Variants in SLC35F4 observed in about 807,000 individuals in gnomAD.
The protein encoded by SLC35F4 is solute carrier family 35 member F4, also known as chromosome 14 open reading frame 36.
In SLC35F4, 24 loss-of-function variants were observed where a neutral mutation model predicts 44.2. The observed-to-expected ratio is 0.54, with a 90% confidence interval of 0.39 to 0.76. The LOEUF (loss-of-function observed/expected upper bound fraction) is 0.76. Among genes scored for constraint, SLC35F4 ranks in the 30% least tolerant of loss-of-function variants. The pLI, the probability that SLC35F4 is intolerant of heterozygous loss-of-function variation, is 0.00. For synonymous variants in SLC35F4, 238 were observed against 223.6 expected (o/e 1.06, Z -0.57); for missense variants, 562 against 586.1 (o/e 0.96, Z 0.42).
chr14:57,823,543 C>T (rs1224711389), intron 1 of SLC35F4, among the ~76,000 whole-genome samples: 1 of 152,182 alleles, frequency 6.6e-6, no homozygotes, highest in East Asian at 1.9e-4. Context: ...TTGTTTATAG[C>T]TATATCCCTG....
Position 57,904,917 on chromosome 14 carries a change from A to G in SLC35F4, n.282+76996T>C, listed in dbSNP as rs899334334. ...GAGCAAATATAGAAAGACCACAAAG[A>G]AAAGGCTATTTTGTGTCTTTATGAC... On this transcript the variant is annotated intron_variant and non_coding_transcript_variant, in intron 1 of 1. Coordinates refer to the SLC35F4 transcript ENST00000556568. 3.3e-5 allele frequency among the ~76,000 whole-genome samples: 5 copies of G among 152,226 alleles called. No individual in the cohort carries two copies. In the East Asian group the frequency reaches 9.6e-4, roughly 29 times the overall value.
At chr14:57,971,614 G>A (rs1015622828) in intron 1 of SLC35F4, among the ~76,000 whole-genome samples, 5 of 152,148 alleles carry the variant, frequency 3.3e-5, no homozygotes, top group Admixed American at 2.6e-4. Flanking sequence ...GGAGGACTAT[G>A]CTAAGTAAAA....
At chr14:57,643,477 C>G (rs1285556381) in intron 1 of SLC35F4, among the ~76,000 whole-genome samples, 1 of 152,054 alleles carries the variant, frequency 6.6e-6, no homozygotes, top group Non-Finnish European at 1.5e-5. Flanking sequence ...GTTTTGCCTG[C>G]TGGAAATTAT....
At chr14:57,888,567 C>T (rs966593214) in intron 1 of SLC35F4, among the ~76,000 whole-genome samples, 15 of 152,114 alleles carry the variant, frequency 9.9e-5, no homozygotes, top group Non-Finnish European at 1.5e-4. Flanking sequence ...TGCTCAATAA[C>T]GACCAGTTGT....
chr14:57,951,386 G>C (rs560189824), intron 1 of SLC35F4, among the ~76,000 whole-genome samples: 2 of 152,280 alleles, frequency 1.3e-5, no homozygotes, highest in East Asian at 3.9e-4. Context: ...GAGCTAGCTG[G>C]AGTTTTTTTT....
At chr14:57,757,151 G>A (rs1244303565) in intron 1 of SLC35F4, among the ~76,000 whole-genome samples, 1 of 152,028 alleles carries the variant, frequency 6.6e-6, no homozygotes, top group Non-Finnish European at 1.5e-5. Context: ...GAAGTGACCT[G>A]CTTTATCTCT....
intron 1 of SLC35F4, among the ~76,000 whole-genome samples, chr14:57,858,712 T>TA (rs112879004): frequency 0.18 from 26,618 of 150,384 alleles, 3,900 homozygotes; most frequent in African/African-American, 0.4. Flanking sequence ...AGAATTACTA[T>TA]AAAAAAAAGA....
intron 1 of SLC35F4, among the ~76,000 whole-genome samples, chr14:57,950,436 A>G (rs75048395): frequency 6.6e-6 from 1 of 151,088 alleles, no homozygotes; most frequent in Non-Finnish European, 1.5e-5. Flanking sequence ...CATATCCTGT[A>G]TTTTTTTTAA....
upstream of SLC35F4, among the ~76,000 whole-genome samples, chr14:57,866,388 C>T (rs886656797): frequency 6.6e-6 from 1 of 152,058 alleles, no homozygotes; most frequent in Admixed American, 6.5e-5. Context: ...CCCCGGGACT[C>T]GGTCCACGCT....
chr14:57,745,292 A>G (rs927498297), intron 1 of SLC35F4, among the ~76,000 whole-genome samples: 2 of 152,256 alleles, frequency 1.3e-5, no homozygotes, highest in Admixed American at 6.5e-5. Context: ...CAGAGTGAAC[A>G]GGCAACCTAC....
chr14:57,966,544 T>A (rs547745242), intron 1 of SLC35F4, among the ~76,000 whole-genome samples: 51 of 152,192 alleles, frequency 3.4e-4, no homozygotes, highest in Admixed American at 1.9e-3. Context: ...AAAAGGAATA[T>A]AATATTATAT....
intron 1 of SLC35F4, among the ~76,000 whole-genome samples, chr14:57,887,147 G>A (rs1201076006): frequency 1.3e-5 from 2 of 152,206 alleles, no homozygotes; most frequent in Non-Finnish European, 2.9e-5. Context: ...GACTAGCACT[G>A]TAGAGCAGGT....
At chr14:57,913,685 ACTG>A (rs1300550188) in intron 1 of SLC35F4, among the ~76,000 whole-genome samples, 3 of 152,168 alleles carry the variant, frequency 2.0e-5, no homozygotes, top group Admixed American at 1.3e-4. Flanking sequence ...AATCGAGTAC[ACTG>A]CTATTTTAAA....
At chr14:57,567,005 T>C (rs947425235) in intron 6 of SLC35F4, among the ~76,000 whole-genome samples, 3 of 152,250 alleles carry the variant, frequency 2.0e-5, no homozygotes, top group African/African-American at 7.2e-5. Flanking sequence ...TATCCAATGA[T>C]AGCCTATGCT....
chr14:57,730,222 G>A (rs77716727), intron 1 of SLC35F4, among the ~76,000 whole-genome samples: 1 of 151,874 alleles, frequency 6.6e-6, no homozygotes, highest in South Asian at 2.1e-4. Context: ...ACTTTTTTTT[G>A]TGTGCAGATA....
chr14:57,864,129 T>C lies in SLC35F4; in HGVS notation c.103+1594A>G, dbSNP rs374201691. On this transcript the variant is annotated intron_variant, in intron 1 of 7. Coordinates refer to ENST00000556826, the MANE Select transcript of SLC35F4 (RefSeq NM_001306087.2). Reference sequence around the variant, plus strand: ...TAATAAACCACCCTGAGTCTTGTAATTTCACACACAGCTTCTACATTCTCT... The same window carrying C: ...TAATAAACCACCCTGAGTCTTGTAACTTCACACACAGCTTCTACATTCTCT... 2.0e-5 allele frequency among the ~76,000 whole-genome samples: 3 copies of C among 152,352 alleles called. No individual in the cohort carries two copies. In the South Asian group the frequency reaches 6.2e-4, roughly 32 times the overall value.
intron 1 of SLC35F4, among the ~76,000 whole-genome samples, chr14:57,634,308 G>A (rs1403313853): frequency 6.6e-6 from 1 of 152,110 alleles, no homozygotes; most frequent in Non-Finnish European, 1.5e-5. Flanking sequence ...ACAGAAGGAT[G>A]TGGCCTTATC....
intron 1 of SLC35F4, among the ~76,000 whole-genome samples, chr14:57,804,372 A>G (rs920321097): frequency 3.3e-5 from 5 of 152,228 alleles, no homozygotes; most frequent in Non-Finnish European, 7.3e-5. Flanking sequence ...TTTATACTAT[A>G]CTACAAGGCT....
Position 57,593,926 on chromosome 14 carries a change from G to T in SLC35F4, c.289+13C>A, listed in dbSNP as rs778244160. ...AGGATGTACCGTTATTTAAGAGGAG[G>T]TCACCCACATACCTGATCTGTTCTG... On this transcript the variant is annotated intron_variant, in intron 2 of 7. Transcript: ENST00000556826. 2 of 1,612,140 alleles carry T rather than the reference G, an allele frequency of 1.2e-6. No individual in the cohort carries two copies. Among genetic ancestry groups the T allele is most frequent in the African/African-American group, 2.7e-5 (2 of 74,850 alleles).
Sources: allele counts gnomAD v4.1 joint callset (sites outside exome capture counted in the v4.1 genomes callset), GRCh38; gene constraint gnomAD v4.1.1; transcripts MANE v1.5; gene names NCBI Gene and HGNC (gene_info 2026-07-23, HGNC 2026-07-21).